The following SH3D21 variants were observed in gnomAD, a reference collection of about 807,000 sequenced individuals.
The protein encoded by SH3D21 is SH3 domain-containing protein 21.
SH3D21 carries 83 observed loss-of-function variants against 82.1 expected under a neutral mutation model. The observed-to-expected ratio is 1.01, with a 90% CI of 0.85 to 1.21. The LOEUF (loss-of-function observed/expected upper bound fraction) is 1.21. SH3D21 is among the 50% of genes most tolerant of loss of function. SH3D21 has a pLI of 0.00. For missense variants in SH3D21, 980 were observed against 962.1 expected (o/e 1.02, Z -0.25); for synonymous variants, 383 against 387.8 (o/e 0.99, Z 0.15).
chr1:36,321,411 T>G, downstream of SH3D21: 3 of 1,286,692 alleles, frequency 2.3e-6, no homozygotes, highest in Non-Finnish European at 3.0e-6. This position sits in a 1 kb window ranked among gnomAD's most constrained non-coding sequence, Gnocchi z 6.1. Flanking sequence ...GGTGTCTCCT[T>G]CGGACTCCAG....
rs770288970 is a variant in SH3D21, at chr1:36,307,855, G to A, written c.492+30G>A. On this transcript the variant is annotated intron_variant, in intron 6 of 15. Coordinates refer to ENST00000453908, the MANE Select transcript of SH3D21 (RefSeq NM_001162530.2). The surrounding 1 kb of genome is among the most constrained non-coding windows in gnomAD (Gnocchi z 5.4). ...GTTGGCTCAGAGTAGGCACAGAGGT[G>A]GTGAGTTCCTCTTGGGGTGGTTGGA... 6.4e-7 allele frequency: 1 copy of A among 1,551,686 alleles called. No homozygotes were observed. The highest frequency in any genetic ancestry group is 1.2e-5 in the South Asian group (1 of 84,056).
Position 36,320,452 on chromosome 1 carries a change from G to T in SH3D21, c.1789G>T (p.Glu597Ter). ...TCCAGAGGAGGCACCTTCCAATGAC[G>T]AGAGGACCCCTGAAGAGGAGGCGCC... is the stretch of plus-strand genomic sequence containing the variant. ...TLPEEAPSND[E>*]RTPEEEAPPN... The change falls in exon 14 of 16, where the codon GAG becomes TAG. Residue 597 changes from glutamate to a stop codon, truncating the protein, a stop_gained. Coordinates refer to ENST00000453908, the MANE Select transcript of SH3D21 (RefSeq NM_001162530.2). LOFTEE classifies it high-confidence loss of function. The T allele has an allele frequency of 1.2e-6, 2 of 1,613,294 alleles. No homozygotes were observed. The highest frequency in any genetic ancestry group is 1.1e-5 in the South Asian group (1 of 91,006).
intron 10 of SH3D21, among the ~76,000 whole-genome samples, chr1:36,316,530 T>C (rs10796880): frequency 0.91 from 137,974 of 152,256 alleles, 63,945 homozygotes; most frequent in Non-Finnish European, 0.99. Context: ...CCACCGCGCC[T>C]GGCCGAGAAT....
intron 10 of SH3D21, 37 bp from the exon 11 acceptor site, chr1:36,319,034 T>C (rs1363785698): frequency 2.4e-6 from 3 of 1,272,106 alleles, no homozygotes; most frequent in Non-Finnish European, 3.4e-6. Context: ...GGCTAGCGAC[T>C]GTCAGATGGA....
chr1:36,315,452 C>T (rs571837071), intron 10 of SH3D21, among the ~76,000 whole-genome samples: 10 of 152,010 alleles, frequency 6.6e-5, no homozygotes, highest in African/African-American at 2.2e-4. Context: ...TGGGTTCAAG[C>T]GATTCTCCCG....
intron 10 of SH3D21, among the ~76,000 whole-genome samples, chr1:36,314,605 G>A (rs938334441): frequency 3.3e-5 from 5 of 151,618 alleles, no homozygotes; most frequent in South Asian, 2.1e-4. Flanking sequence ...ACAGGCGTGC[G>A]CCACCACACC....
At chr1:36,322,960 C>T (rs903447766), downstream of SH3D21, 4 of 1,606,400 alleles carry the variant, frequency 2.5e-6, no homozygotes, top group African/African-American at 2.7e-5. Flanking sequence ...TCTTCCGGCG[C>T]CCGCCCTCAC....
At position 36,308,565 on chromosome 1, in the gene SH3D21, G is replaced by A. The variant is rs537072352; in HGVS notation, c.726+90G>A. 1.4e-4 allele frequency: 148 copies of A among 1,070,930 alleles called. 3 individuals are homozygous for A. The South Asian group carries it at 2.0e-3, about 14-fold the overall frequency. 66.3% of individuals were successfully genotyped at this position (1,070,930 alleles called of 1,614,324 possible). A position where few individuals can be genotyped will look rare whatever the true frequency, so the allele number is the denominator to read the frequency against. ...TGGGCACTCTCCGGACCTAGCTGGA[G>A]GGTCACTAAATGAGGGTGGACCTAG... On this transcript the variant is annotated intron_variant, in intron 9 of 15. Coordinates refer to ENST00000453908, the MANE Select transcript of SH3D21 (RefSeq NM_001162530.2).
At chr1:36,328,191 G>A, downstream of SH3D21, 1 of 453,328 alleles carries the variant, frequency 2.2e-6, no homozygotes, top group South Asian at 1.6e-5. Context: ...TGGAAGGTTG[G>A]GGGGCCGAGA....
downstream of SH3D21, chr1:36,322,616 G>C: frequency 6.5e-7 from 1 of 1,547,786 alleles, no homozygotes; most frequent in Non-Finnish European, 8.7e-7. Flanking sequence ...CCGGGCCCCG[G>C]GGCCGCGGGC....
At chr1:36,325,705 T>C (rs1395166682), downstream of SH3D21, among the ~76,000 whole-genome samples, 1 of 152,128 alleles carries the variant, frequency 6.6e-6, no homozygotes, top group East Asian at 1.9e-4. Context: ...CCACCACGCC[T>C]GGCTAATTTT....
At position 36,306,683 on chromosome 1, in the gene SH3D21, G is replaced by A; in HGVS notation, c.90G>A (p.Trp30Ter). Residue 30 changes from tryptophan (W) to a stop codon, truncating the protein, a stop_gained, in exon 2 of 16, where the codon TGG becomes TGA. Coordinates refer to ENST00000453908, the MANE Select transcript of SH3D21 (RefSeq NM_001162530.2). LOFTEE classifies it high-confidence loss of function. The surrounding 1 kb of genome is among the most constrained non-coding windows in gnomAD (Gnocchi z 4.5). The stretch of plus-strand genomic sequence containing the variant: ...GGGACGTGGTCCGGCAGGTGCGCTG[G>A]GTGCCCGCGCGGGGCTGGCTTCGCG... ...APGDVVRQVR[W>*]VPARGWLRGE... 7.7e-7 allele frequency: 1 copy of A among 1,297,396 alleles called. No homozygotes were observed. The allele number at this position is 1,297,396 out of a possible 1,614,324, so 80.4% of individuals were successfully genotyped here.
Position 36,306,748 on chromosome 1 carries a change from T to C in SH3D21, c.155T>C (p.Leu52Pro). 1 of 1,288,980 alleles carries C rather than the reference T, an allele frequency of 7.8e-7. No individual in the cohort carries two copies. The highest frequency in any genetic ancestry group is 1.0e-6 in the Non-Finnish European group (1 of 986,594). 79.8% of individuals were successfully genotyped at this position (1,288,980 alleles called of 1,614,324 possible). ...CGCTATGGCCTCTTCCCCGAGCGCC[T>C]GGTGCAGGTGAGGCCGAGCCAGGGG... The part of the protein sequence containing the change: ...GGRYGLFPER[L>P]VQEIPETLRG... The change falls in exon 2 of 16, where the codon CTG (leucine) becomes CCG (proline). Residue 52 changes from leucine to proline, a missense_variant. Coordinates refer to ENST00000453908, the MANE Select transcript of SH3D21 (RefSeq NM_001162530.2). The surrounding 1 kb of genome is among the most constrained non-coding windows in gnomAD (Gnocchi z 4.5).
Position 36,307,502 on chromosome 1 carries a change from C to T in SH3D21, c.346-15C>T, listed in dbSNP as rs1329184968. On this transcript the variant is annotated splice_polypyrimidine_tract_variant and intron_variant, in intron 4 of 15. Transcript: ENST00000453908. The surrounding 1 kb of genome is among the most constrained non-coding windows in gnomAD (Gnocchi z 5.4). ...GGGCAGAACCAGACGCCTCTGCGTC[C>T]TCCCCTCTCCCCAGATTGAGGACGG... 1.3e-6 allele frequency: 2 copies of T among 1,551,056 alleles called. No homozygotes were observed. The highest frequency in any genetic ancestry group is 2.7e-5 in the African/African-American group (2 of 73,044).
At chr1:36,322,758 C>A, downstream of SH3D21, 1 of 1,538,360 alleles carries the variant, frequency 6.5e-7, no homozygotes, top group Non-Finnish European at 8.8e-7. Context: ...CACGGAGAGG[C>A]CCGGACGGGT....
rs1236949811 is a variant in SH3D21 at position 36,319,073 on chromosome 1, C to T, written c.772C>T (p.Pro258Ser). The T allele has an allele frequency of 1.9e-6, 3 of 1,538,482 alleles. No homozygotes were observed. Among genetic ancestry groups the T allele is most frequent in the South Asian group, 2.4e-5 (2 of 83,782 alleles). ...GTGCTCCACTCCTCTCTTCCCAGCT[C>T]CTATTAAGGAACCAAAAAAGTTGAT... ...PRKVVSRESAPIKEPKKLMPK... is the reference protein window; with the variant it reads ...PRKVVSRESASIKEPKKLMPK... The change falls in exon 11 of 16, where the codon CCT (proline) becomes TCT (serine). Residue 258 changes from proline (P) to serine (S), a missense_variant and splice_region_variant. By Grantham distance (74) the Pro-to-Ser change is moderately conservative. Transcript: ENST00000453908.
In SH3D21 at chr1:36,306,802, C is replaced by A; in HGVS notation, c.163-40C>A. The A allele has an allele frequency of 1.5e-6, 2 of 1,292,520 alleles. No homozygotes were observed. The highest frequency in any genetic ancestry group is 1.2e-5 in the South Asian group (1 of 80,726). The allele number at this position is 1,292,520 out of a possible 1,614,324, so 80.1% of individuals were successfully genotyped here. A position where few individuals can be genotyped will look rare whatever the true frequency, so the allele number is the denominator to read the frequency against. Reference sequence around the variant, plus strand: ...GCTGTGGGGTCTCAGCGCGCGCCCCCCGGGAGCTGAGAGCGCCTTCCCCGT... The same window carrying A: ...GCTGTGGGGTCTCAGCGCGCGCCCCACGGGAGCTGAGAGCGCCTTCCCCGT... On this transcript the variant is annotated intron_variant, in intron 2 of 15. Transcript: ENST00000453908. This position sits in a 1 kb window ranked among gnomAD's most constrained non-coding sequence, Gnocchi z 4.5.
chr1:36,327,958 CGT>C, downstream of SH3D21: 1 of 948,484 alleles, frequency 1.1e-6, no homozygotes, highest in Non-Finnish European at 1.5e-6. Context: ...GATCTCTGCA[CGT>C]GTGTCACCTG....
At position 36,319,841 on chromosome 1, in the gene SH3D21, G is replaced by A. The variant is rs372764465; in HGVS notation, c.1178G>A (p.Gly393Glu). The A allele has an allele frequency of 9.9e-6, 16 of 1,613,468 alleles. No homozygotes were observed. The highest frequency in any genetic ancestry group is 1.4e-5 in the Non-Finnish European group (16 of 1,179,864). The change falls in exon 14 of 16, where the codon GGG becomes GAG. Residue 393 changes from glycine to glutamate, a missense_variant. Physicochemically the swap from Gly to Glu is moderately conservative, Grantham distance 98. Transcript: ENST00000453908. ...VPSPEKTLTLGDKASIPGNST... is the reference protein window; with the variant it reads ...VPSPEKTLTLEDKASIPGNST... ...TCCCCAGAGAAGACCCTCACTCTAG[G>A]GGACAAGGCCTCTATCCCAGGGAAC...
Sources: gnomAD v4.1 joint callset for allele counts (sites outside exome capture counted in the v4.1 genomes callset) on GRCh38, gnomAD v4.1.1 for gene constraint, Gnocchi (gnomAD v3.1) non-coding constraint, MANE v1.5 for transcripts, NCBI Gene and HGNC (gene_info 2026-07-23, HGNC 2026-07-21) for gene names.